GRM5: variants seen among roughly 807,000 people sequenced by gnomAD.
GRM5 encodes the protein metabotropic glutamate receptor 5.
GRM5 carries 19 observed loss-of-function variants against 83.1 expected under a neutral mutation model. The observed-to-expected ratio is 0.23, with a 90% CI of 0.16 to 0.34. GRM5 has a LOEUF of 0.34. GRM5 is among the 10% of genes least tolerant of loss of function. The probability of loss-of-function intolerance (pLI) is 1.00; values close to 1 mark genes in which losing one functional copy is unlikely to be tolerated. For synonymous variants in GRM5, 675 were observed against 633.6 expected (o/e 1.07, Z -0.98); for missense variants, 1,160 against 1,588.3 (o/e 0.73, Z 4.58).
At chr11:89,053,773 G>GA (rs1941811622) in intron 1 of GRM5, among the ~76,000 whole-genome samples, 2 of 151,778 alleles carry the variant, frequency 1.3e-5, no homozygotes, top group Admixed American at 1.3e-4. Context: ...AGCATAAACT[G>GA]AAAAAATAAC....
intron 3 of GRM5, among the ~76,000 whole-genome samples, chr11:88,742,938 C>G (rs867930618): frequency 3.3e-5 from 5 of 152,092 alleles, no homozygotes; most frequent in African/African-American, 1.2e-4. Flanking sequence ...AAGCTCCAGT[C>G]AGCTCCTCTT....
intron 7 of GRM5, among the ~76,000 whole-genome samples, chr11:88,574,801 AT>A (rs1943072348): frequency 6.6e-6 from 1 of 152,074 alleles, no homozygotes; most frequent in Non-Finnish European, 1.5e-5. Context: ...CTGACTAGTC[AT>A]TTGGGACATT....
At chr11:88,540,608 A>G (rs1942244474) in intron 8 of GRM5, among the ~76,000 whole-genome samples, 1 of 152,198 alleles carries the variant, frequency 6.6e-6, no homozygotes, top group Non-Finnish European at 1.5e-5. Flanking sequence ...TTGTGCACTT[A>G]CATGGCCATC....
At chr11:88,675,390 A>G (rs1403418904) in intron 3 of GRM5, among the ~76,000 whole-genome samples, 2 of 151,974 alleles carry the variant, frequency 1.3e-5, no homozygotes, top group Admixed American at 6.6e-5. Context: ...TTATAAGAAG[A>G]AAGAGAAAGA....
intron 3 of GRM5, among the ~76,000 whole-genome samples, chr11:88,666,576 G>A (rs1322964256): frequency 6.6e-6 from 1 of 152,166 alleles, no homozygotes; most frequent in East Asian, 1.9e-4. Context: ...ACATCACAGG[G>A]GGGATCAAAT....
At chr11:88,590,922 G>C (rs990646924) in intron 6 of GRM5, among the ~76,000 whole-genome samples, 195 bp from the exon 7 acceptor site, 1 of 152,062 alleles carries the variant, frequency 6.6e-6, no homozygotes, top group African/African-American at 2.4e-5. Context: ...CAAGTCCAGC[G>C]TCATAAAGTT....
intron 4 of GRM5, among the ~76,000 whole-genome samples, chr11:88,629,172 C>A (rs1017682854): frequency 3.3e-5 from 5 of 152,112 alleles, no homozygotes; most frequent in African/African-American, 7.2e-5. Context: ...GAAGAAGGAC[C>A]CTGAAAAGGC....
In GRM5 at chr11:88,508,517, T is replaced by C; in HGVS notation, c.*75A>G. 1 of 1,251,390 alleles carries C rather than the reference T, an allele frequency of 8.0e-7. No individual in the cohort carries two copies. The highest frequency in any genetic ancestry group is 1.3e-5 in the South Asian group (1 of 77,294). 77.5% of individuals were successfully genotyped at this position (1,251,390 alleles called of 1,614,324 possible). ...CCCCTGGGCCGTAACCAGGCGACTA[T>C]GCTTGCCATTGTGTGTGTGTGAACA... On this transcript the variant is annotated 3_prime_UTR_variant, in exon 10 of 10. Coordinates refer to ENST00000305447, the MANE Select transcript of GRM5 (RefSeq NM_001143831.3). This position sits in a 1 kb window ranked among gnomAD's most constrained non-coding sequence, Gnocchi z 4.2.
At chr11:88,795,706 G>C (rs1389297389) in intron 3 of GRM5, among the ~76,000 whole-genome samples, 2 of 152,104 alleles carry the variant, frequency 1.3e-5, no homozygotes, top group Admixed American at 1.3e-4. Flanking sequence ...TAAAGAGGCT[G>C]TATAATTTGC....
intron 2 of GRM5, among the ~76,000 whole-genome samples, chr11:88,866,387 A>G (rs146760465): frequency 0.025 from 3,847 of 152,102 alleles, 174 homozygotes; most frequent in African/African-American, 0.088. Context: ...GGATCACCAC[A>G]CACTGGGGCC....
At position 88,509,767 on chromosome 11, in the gene GRM5, G is replaced by A. The variant is rs574607839; in HGVS notation, c.2727-263C>T. Among the ~76,000 whole-genome samples, 9 of 152,348 alleles carry A rather than the reference G, an allele frequency of 5.9e-5. No individual in the cohort carries two copies. In the South Asian group the frequency reaches 1.7e-3, roughly 28 times the overall value. The stretch of plus-strand genomic sequence containing the variant: ...AATGTGTCAAAGGGGATGCTTGTCA[G>A]GATGAAGGAGTGTTTATTAGGATTC... On this transcript the variant is annotated intron_variant, in intron 9 of 9. Coordinates refer to ENST00000305447, the MANE Select transcript of GRM5 (RefSeq NM_001143831.3).
chr11:88,554,283 C>T (rs1912515), intron 8 of GRM5, among the ~76,000 whole-genome samples: 31,504 of 152,014 alleles, frequency 0.21, 3,389 homozygotes, highest in Non-Finnish European at 0.24. Context: ...GACTCTGGCA[C>T]CCCGCTTCCC....
At chr11:88,677,038 G>A (rs1299166759) in intron 3 of GRM5, among the ~76,000 whole-genome samples, 2 of 152,034 alleles carry the variant, frequency 1.3e-5, no homozygotes, top group East Asian at 3.9e-4. Flanking sequence ...TAGGATGAAA[G>A]GTTGTATGGT....
At chr11:88,563,724 G>GCC (rs907553564) in intron 8 of GRM5, among the ~76,000 whole-genome samples, 1 of 152,190 alleles carries the variant, frequency 6.6e-6, no homozygotes, top group African/African-American at 2.4e-5. Flanking sequence ...ACTCAGGGAA[G>GCC]CAATTTAGAA....
At chr11:88,630,183 A>C (rs1938923192) in intron 4 of GRM5, among the ~76,000 whole-genome samples, 1 of 151,982 alleles carries the variant, frequency 6.6e-6, no homozygotes, top group South Asian at 2.1e-4. Context: ...TCCCTGATTT[A>C]TTTTTCTTCC....
rs1941213975 is a variant in GRM5 at position 88,507,664 on chromosome 11, A to G, written c.*928T>C. 6.6e-6 allele frequency: 1 copy of G among 152,360 alleles called. No individual in the cohort carries two copies. Among genetic ancestry groups the G allele is most frequent in the African/African-American group, 2.4e-5 (1 of 41,470 alleles). 9.4% of individuals were successfully genotyped at this position (152,360 alleles called of 1,614,324 possible). Reference sequence around the variant, plus strand: ...GCAATGCAAACGCAACAGCATTCCTAAAGAGTGGCCATGTTTCTTGAAAGA... The same window carrying G: ...GCAATGCAAACGCAACAGCATTCCTGAAGAGTGGCCATGTTTCTTGAAAGA... On this transcript the variant is annotated 3_prime_UTR_variant, in exon 10 of 10. Coordinates refer to ENST00000305447, the MANE Select transcript of GRM5 (RefSeq NM_001143831.3).
chr11:88,773,737 G>C (rs1194514481), intron 3 of GRM5, among the ~76,000 whole-genome samples: 1 of 152,078 alleles, frequency 6.6e-6, no homozygotes, highest in Non-Finnish European at 1.5e-5. Context: ...GTTTTTATCA[G>C]GTTTGTCAAA....
intron 2 of GRM5, among the ~76,000 whole-genome samples, chr11:88,890,009 G>T (rs1019808819): frequency 1.3e-5 from 2 of 152,128 alleles, no homozygotes; most frequent in Admixed American, 6.6e-5. Flanking sequence ...CATTAGGAGA[G>T]AGCTTTGATG....
chr11:88,971,585 A>C (rs1451557709), intron 2 of GRM5, among the ~76,000 whole-genome samples: 1 of 152,130 alleles, frequency 6.6e-6, no homozygotes, highest in African/African-American at 2.4e-5. Context: ...ATCCAGTTCC[A>C]CCCATGTTGC....
Sources: gnomAD v4.1 joint callset for allele counts (sites outside exome capture counted in the v4.1 genomes callset) on GRCh38, gnomAD v4.1.1 for gene constraint, Gnocchi (gnomAD v3.1) non-coding constraint, MANE v1.5 for transcripts, NCBI Gene and HGNC (gene_info 2026-07-23, HGNC 2026-07-21) for gene names.